Variants in RALYL observed in about 807,000 individuals in gnomAD.
RALYL encodes the protein RALY RNA binding protein like.
RALYL carries 29 observed loss-of-function variants against 35.1 expected under a neutral mutation model. The observed-to-expected ratio is 0.83, with a 90% CI of 0.61 to 1.13. The LOEUF (loss-of-function observed/expected upper bound fraction) is 1.13, where lower values mean the gene tolerates loss of function less well. Among genes scored for constraint, RALYL ranks in the 50% most tolerant of loss-of-function variants. The pLI, the probability that RALYL is intolerant of heterozygous loss-of-function variation, is 0.00. For missense variants in RALYL, 359 were observed against 360.4 expected, an observed-to-expected ratio of 1.00 and a Z score of 0.03; for synonymous variants, 120 against 127.6, an observed-to-expected ratio of 0.94 and a Z score of 0.40.
chr8:84,864,098 T>G (rs1479124791), intron 6 of RALYL, among the ~76,000 whole-genome samples: 2 of 152,186 alleles, frequency 1.3e-5, no homozygotes, highest in Non-Finnish European at 2.9e-5. Flanking sequence ...TGAAGAGACT[T>G]TACAGTTTGT....
chr8:84,392,916 G>A (rs758481433), intron 1 of RALYL, among the ~76,000 whole-genome samples: 1 of 152,022 alleles, frequency 6.6e-6, no homozygotes, highest in African/African-American at 2.4e-5. Flanking sequence ...AATTTCAAAT[G>A]TTATTCATTC....
chr8:84,262,099 T>C (rs1392703787), intron 1 of RALYL, among the ~76,000 whole-genome samples: 1 of 152,178 alleles, frequency 6.6e-6, no homozygotes, highest in Admixed American at 6.5e-5. Context: ...TAGAAATTTG[T>C]ATGACACCAG....
intron 2 of RALYL, among the ~76,000 whole-genome samples, chr8:84,575,699 A>T (rs1216492874): frequency 6.6e-6 from 1 of 152,172 alleles, no homozygotes. Flanking sequence ...AGGGGATTTT[A>T]TCTCATTGGC....
intron 4 of RALYL, chr8:84,829,184 A>C (rs981945113): frequency 6.6e-5 from 10 of 152,156 alleles, no homozygotes; most frequent in Non-Finnish European, 1.3e-4. Flanking sequence ...AAGCCATCAG[A>C]TCTCCTGGGA....
At chr8:84,318,025 C>T (rs554821050) in intron 1 of RALYL, among the ~76,000 whole-genome samples, 8 of 152,160 alleles carry the variant, frequency 5.3e-5, no homozygotes, top group South Asian at 4.2e-4. Context: ...CACATTATTT[C>T]TTTTGTAGAC....
intron 2 of RALYL, among the ~76,000 whole-genome samples, chr8:84,684,815 A>T (rs1208659448): frequency 6.6e-6 from 1 of 152,178 alleles, no homozygotes; most frequent in East Asian, 1.9e-4. Context: ...ATTTATGAAG[A>T]TGTATTAGTT....
At position 84,804,811 on chromosome 8, in the gene RALYL, A is replaced by ATATTTTAATACTTAAAG; in HGVS notation, c.365+14_365+15insTAATACTTAAAGTATTT. The ATATTTTAATACTTAAAG allele has an allele frequency of 9.1e-7, 1 of 1,093,224 alleles. No individual in the cohort carries two copies. Among genetic ancestry groups the ATATTTTAATACTTAAAG allele is most frequent in the Non-Finnish European group, 1.2e-6 (1 of 833,078 alleles). 67.7% of individuals were successfully genotyped at this position (1,093,224 alleles called of 1,614,324 possible). On this transcript the variant is annotated intron_variant, in intron 4 of 8. Coordinates refer to ENST00000521268, the MANE Select transcript of RALYL (RefSeq NM_173848.7). ...CCTTTCCTGTCTGTTGGGTAAGTAT[A>ATATTTTAATACTTAAAG]TATTTAAATACTTTAAGTATTAATT... is the stretch of plus-strand genomic sequence containing the variant.
At chr8:84,516,160 C>T (rs1280130013) in intron 1 of RALYL, among the ~76,000 whole-genome samples, 2 of 151,962 alleles carry the variant, frequency 1.3e-5, no homozygotes. Context: ...GTTGTAAACA[C>T]ATTTAATGAA....
At chr8:84,243,501 CTTTTTTT>C (rs34469585) in intron 1 of RALYL, among the ~76,000 whole-genome samples, 1 of 97,480 alleles carries the variant, frequency 1.0e-5, no homozygotes, top group Non-Finnish European at 2.0e-5. Flanking sequence ...CTCTCTCACA[CTTTTTTT>C]TTTTTTTTTT....
intron 8 of RALYL, among the ~76,000 whole-genome samples, chr8:84,907,865 A>T (rs1057230783): frequency 1.7e-4 from 25 of 151,422 alleles, no homozygotes; most frequent in African/African-American, 4.4e-4. Flanking sequence ...GACAAAATTT[A>T]AAAAAAAACC....
chr8:84,364,377 C>T lies in RALYL; in HGVS notation c.-23-164922C>T. Among the ~76,000 whole-genome samples, 2 of 152,058 alleles carry T rather than the reference C, an allele frequency of 1.3e-5. 1 individual carries two copies. Among genetic ancestry groups the T allele is most frequent in the South Asian group, 4.2e-4 (2 of 4,818 alleles). On this transcript the variant is annotated intron_variant, in intron 1 of 8. Coordinates refer to ENST00000521268, the MANE Select transcript of RALYL (RefSeq NM_173848.7). Reference sequence around the variant, plus strand: ...AGATATTTATCTGCTTTGACAATAACCCTCTGATAGAAACTAAAAACATTT... The same window carrying T: ...AGATATTTATCTGCTTTGACAATAATCCTCTGATAGAAACTAAAAACATTT...
intron 6 of RALYL, among the ~76,000 whole-genome samples, chr8:84,862,673 G>C (rs115824812): frequency 1.7e-3 from 258 of 152,246 alleles, no homozygotes; most frequent in African/African-American, 5.8e-3. Context: ...AAAAATCCAG[G>C]ACCAATTTGA....
intron 3 of RALYL, among the ~76,000 whole-genome samples, chr8:84,803,100 A>T (rs1823737855): frequency 1.3e-5 from 2 of 152,228 alleles, no homozygotes; most frequent in South Asian, 4.1e-4. Context: ...GAACATAGGA[A>T]GCTGGAGAGT....
intron 1 of RALYL, among the ~76,000 whole-genome samples, chr8:84,330,122 T>C (rs1441296890): frequency 6.6e-6 from 1 of 151,966 alleles, no homozygotes; most frequent in Non-Finnish European, 1.5e-5. Flanking sequence ...CTAATAAATA[T>C]GTGTAGAGAT....
At chr8:84,859,539 G>C (rs905002050) in intron 5 of RALYL, among the ~76,000 whole-genome samples, 1 of 152,044 alleles carries the variant, frequency 6.6e-6, no homozygotes, top group Non-Finnish European at 1.5e-5. Flanking sequence ...TTGGTAAAAC[G>C]TTACCCAATA....
chr8:84,484,718 T>C (rs1357811882), intron 1 of RALYL, among the ~76,000 whole-genome samples: 1 of 152,194 alleles, frequency 6.6e-6, no homozygotes, highest in South Asian at 2.1e-4. Flanking sequence ...CATCTATTCA[T>C]TAAAAATAAA....
intron 1 of RALYL, among the ~76,000 whole-genome samples, chr8:84,341,327 T>A (rs1278385506): frequency 6.6e-6 from 1 of 151,928 alleles, no homozygotes; most frequent in African/African-American, 2.4e-5. Context: ...TGCTCTTAAC[T>A]GGGTGAAGCG....
At chr8:84,694,583 C>T (rs1388434085) in intron 2 of RALYL, among the ~76,000 whole-genome samples, 2 of 151,714 alleles carry the variant, frequency 1.3e-5, no homozygotes, top group Non-Finnish European at 3.0e-5. Context: ...ATGACATTCT[C>T]CACAGAAATA....
rs1292763808 is a variant in RALYL at position 84,816,049 on chromosome 8, A to AAAG, written c.365+11249_365+11250insGAA. ...CTCTGTCTCAAAAAAAAAAAAAAAA[A>AAAG]AAAGAAAAAAAGAAAAGAAAGGTGA... is the stretch of plus-strand genomic sequence containing the variant. On this transcript the variant is annotated intron_variant, in intron 4 of 8. Coordinates refer to ENST00000521268, the MANE Select transcript of RALYL (RefSeq NM_173848.7). 1.9e-4 allele frequency among the ~76,000 whole-genome samples: 28 copies of AAAG among 151,252 alleles called. No homozygotes were observed. The South Asian group carries it at 4.4e-3, about 24-fold the overall frequency.
Sources: gnomAD v4.1 joint callset for allele counts (sites outside exome capture counted in the v4.1 genomes callset) on GRCh38, gnomAD v4.1.1 for gene constraint, MANE v1.5 for transcripts, NCBI Gene and HGNC (gene_info 2026-07-23, HGNC 2026-07-21) for gene names.